TMEM150C: variants seen among roughly 807,000 people sequenced by gnomAD.
TMEM150C encodes the protein transmembrane protein 150C.
Under a neutral mutation model 29.9 loss-of-function variants are expected in TMEM150C, and 10 were observed. The observed-to-expected ratio is 0.33, with a 90% CI of 0.21 to 0.57. TMEM150C has a LOEUF of 0.57. Ranked by LOEUF, TMEM150C falls within the 20% of genes least tolerant of loss-of-function variation. The pLI, the probability that TMEM150C is intolerant of heterozygous loss-of-function variation, is 0.88. For missense variants in TMEM150C, 251 were observed against 303.6 expected (o/e 0.83, Z 1.29); for synonymous variants, 101 against 112.5 (o/e 0.90, Z 0.64).
Position 82,485,534 on chromosome 4 carries a change from C to T in TMEM150C, c.727G>A (p.Glu243Lys). 1 of 1,604,622 alleles carries T rather than the reference C, an allele frequency of 6.2e-7. No homozygotes were observed. Among genetic ancestry groups the T allele is most frequent in the Non-Finnish European group, 8.5e-7 (1 of 1,175,536 alleles). ...SFSESLSEAS[E>K]YQTDQV Reference sequence around the variant, plus strand: ...GTTTACACCTGGTCAGTCTGATATTCAGAAGCTTCTGACAGGCTTTCTGAG... The same window carrying T: ...GTTTACACCTGGTCAGTCTGATATTTAGAAGCTTCTGACAGGCTTTCTGAG... Residue 243 changes from glutamate (E) to lysine (K), a missense_variant, in exon 8 of 8, where the codon GAA (glutamate) becomes AAA (lysine). Coordinates refer to ENST00000449862, the MANE Select transcript of TMEM150C (RefSeq NM_001080506.3).
At chr4:82,558,738 T>G (rs181726198) in intron 1 of TMEM150C, among the ~76,000 whole-genome samples, 1 of 152,242 alleles carries the variant, frequency 6.6e-6, no homozygotes, top group East Asian at 1.9e-4. Flanking sequence ...TGAAAAAATA[T>G]AAAGCTACAT....
At chr4:82,497,914 T>G (rs952978701) in intron 5 of TMEM150C, among the ~76,000 whole-genome samples, 2 of 152,176 alleles carry the variant, frequency 1.3e-5, no homozygotes, top group Non-Finnish European at 2.9e-5. Context: ...AAGAAGCCAT[T>G]AGATTAAGCC....
At chr4:82,535,826 C>A (rs1724984786) in intron 1 of TMEM150C, among the ~76,000 whole-genome samples, 1 of 152,148 alleles carries the variant, frequency 6.6e-6, no homozygotes, top group South Asian at 2.1e-4. Flanking sequence ...AGCAGAGGCA[C>A]TATTAACATT....
At chr4:82,524,729 C>A (rs1207540302) in intron 1 of TMEM150C, among the ~76,000 whole-genome samples, 1 of 152,156 alleles carries the variant, frequency 6.6e-6, no homozygotes, top group Non-Finnish European at 1.5e-5. Context: ...ATTACGTAAT[C>A]ACGAATGCAA....
chr4:82,538,527 T>C lies in TMEM150C; in HGVS notation c.-11+23379A>G, dbSNP rs1419670561. Reference sequence around the variant, plus strand: ...GCTTATATATACAGAAAATTCAGGATATAAGTGTATGTACAATGTAATCCC... The same window carrying C: ...GCTTATATATACAGAAAATTCAGGACATAAGTGTATGTACAATGTAATCCC... On this transcript the variant is annotated intron_variant, in intron 1 of 7. Transcript: ENST00000449862. 2.7e-5 allele frequency among the ~76,000 whole-genome samples: 4 copies of C among 150,602 alleles called. No individual in the cohort carries two copies. In the East Asian group the frequency reaches 7.7e-4, roughly 29 times the overall value.
intron 1 of TMEM150C, among the ~76,000 whole-genome samples, chr4:82,515,736 CA>C (rs557328249): frequency 0.12 from 13,450 of 115,032 alleles, 732 homozygotes; most frequent in African/African-American, 0.21. Flanking sequence ...GACTCTATCT[CA>C]AAAAAAAAAA....
At chr4:82,550,257 A>ACTCT (rs376143202) in intron 1 of TMEM150C, among the ~76,000 whole-genome samples, 1 of 150,294 alleles carries the variant, frequency 6.7e-6, no homozygotes, top group African/African-American at 2.4e-5. Flanking sequence ...ACTCTCATGA[A>ACTCT]CTCTCTCTCT....
chr4:82,503,419 C>T (rs1489976906), intron 2 of TMEM150C, among the ~76,000 whole-genome samples: 2 of 152,118 alleles, frequency 1.3e-5, no homozygotes, highest in South Asian at 2.1e-4. Context: ...TCTAACTTCT[C>T]GGGAATATGT....
chr4:82,498,135 C>T (rs1376221644), intron 5 of TMEM150C, among the ~76,000 whole-genome samples: 2 of 152,026 alleles, frequency 1.3e-5, no homozygotes, highest in Non-Finnish European at 2.9e-5. Flanking sequence ...CTGCCTCAGC[C>T]TCCCAAGTAG....
rs191428976 is a variant in TMEM150C, at chr4:82,522,166, C to G, written c.-10-17499G>C. Among the ~76,000 whole-genome samples, 36 of 152,264 alleles carry G rather than the reference C, an allele frequency of 2.4e-4. No homozygotes were observed. In the East Asian group the frequency reaches 5.8e-3, roughly 24 times the overall value. ...GTTAGGAGGCTACAGGAAGAACTAC[C>G]ACCCCCATATTCTAACCACAGCTCC... is the stretch of plus-strand genomic sequence containing the variant. On this transcript the variant is annotated intron_variant, in intron 1 of 7. Transcript: ENST00000449862.
intron 1 of TMEM150C, among the ~76,000 whole-genome samples, chr4:82,545,936 A>C (rs890458463): frequency 2.8e-4 from 43 of 152,230 alleles, no homozygotes; most frequent in African/African-American, 1.0e-3. Context: ...AAAAAACAAA[A>C]AAAAAAGCTA....
chr4:82,526,890 G>A (rs182495633), intron 1 of TMEM150C, among the ~76,000 whole-genome samples: 5 of 152,058 alleles, frequency 3.3e-5, no homozygotes, highest in South Asian at 2.1e-4. Flanking sequence ...GAGGGTCTTC[G>A]GTTAAGAATC....
At chr4:82,504,481 A>G (rs980953622) in intron 2 of TMEM150C, 97 bp downstream of exon 2, 37 of 939,776 alleles carry the variant, frequency 3.9e-5, no homozygotes, top group Non-Finnish European at 5.5e-5. Flanking sequence ...GATTACAGGC[A>G]TGAGCCACCG....
At position 82,504,641 on chromosome 4, in the gene TMEM150C, C is replaced by T. The variant is rs781119072; in HGVS notation, c.17G>A (p.Cys6Tyr). 6.2e-7 allele frequency: 1 copy of T among 1,613,594 alleles called. No homozygotes were observed. The highest frequency in any genetic ancestry group is 8.5e-7 in the Non-Finnish European group (1 of 1,179,630). MDGKKCSVWMFLPLVF... is the reference protein window; with the variant it reads MDGKKYSVWMFLPLVF... ...AAGAGGTAGGAACATCCATACGCTG[C>T]ATTTCTTCCCATCCATGCCTGTACC... The change falls in exon 2 of 8, where the codon TGC (cysteine) becomes TAC (tyrosine). Residue 6 changes from cysteine to tyrosine, a missense_variant. Coordinates refer to ENST00000449862, the MANE Select transcript of TMEM150C (RefSeq NM_001080506.3).
chr4:82,500,808 C>T lies in TMEM150C; in HGVS notation c.235+1919G>A, dbSNP rs1487310670. ...AGCATACAAAGGAAACAATATGTGG[C>T]TTCCAATGTGCTCACTGGTTTGTTT... On this transcript the variant is annotated intron_variant, in intron 5 of 7. Coordinates refer to ENST00000449862, the MANE Select transcript of TMEM150C (RefSeq NM_001080506.3). 2.6e-5 allele frequency among the ~76,000 whole-genome samples: 4 copies of T among 152,346 alleles called. No individual in the cohort carries two copies. In the East Asian group the frequency reaches 7.7e-4, roughly 29 times the overall value.
rs191072014 is a variant in TMEM150C at position 82,495,318 on chromosome 4, G to A, written c.363+750C>T. On this transcript the variant is annotated intron_variant, in intron 6 of 7. Transcript: ENST00000449862. ...TTAGCTGGGTGTGGTGGCATTCCCC[G>A]TGGTCCCAGCTACTCAGGAGGCTGA... The A allele has an allele frequency of 1.9e-5, 4 of 207,538 alleles. No homozygotes were observed. The East Asian group carries it at 4.8e-4, about 25-fold the overall frequency. 12.9% of individuals were successfully genotyped at this position (207,538 alleles called of 1,614,324 possible).
chr4:82,552,074 C>T (rs1474400033), intron 1 of TMEM150C, among the ~76,000 whole-genome samples: 1 of 152,094 alleles, frequency 6.6e-6, no homozygotes, highest in Non-Finnish European at 1.5e-5. Context: ...GTTGCCTCCT[C>T]TCTCGGCATG....
rs532444417 is a variant in TMEM150C at position 82,487,729 on chromosome 4, T to C, written c.542-2010A>G. ...AATCAGCAAAATGGTGGAACAGGAA[T>C]TTGTGAATGAAGAAAAAATAAATAG... On this transcript the variant is annotated intron_variant, in intron 7 of 7. Coordinates refer to ENST00000449862, the MANE Select transcript of TMEM150C (RefSeq NM_001080506.3). Among the ~76,000 whole-genome samples the C allele has an allele frequency of 3.3e-5, 5 of 152,204 alleles. No homozygotes were observed. In the East Asian group the frequency reaches 7.7e-4, roughly 24 times the overall value.
intron 1 of TMEM150C, among the ~76,000 whole-genome samples, chr4:82,511,747 G>A (rs1205712234): frequency 2.0e-5 from 3 of 152,110 alleles, no homozygotes; most frequent in Non-Finnish European, 2.9e-5. Flanking sequence ...GATTATAGGC[G>A]TGAGCCACTG....
Sources: allele counts gnomAD v4.1 joint callset (sites outside exome capture counted in the v4.1 genomes callset), GRCh38; gene constraint gnomAD v4.1.1; transcripts MANE v1.5; gene names NCBI Gene and HGNC (gene_info 2026-07-23, HGNC 2026-07-21).